LATS1: variants seen among roughly 807,000 people sequenced by gnomAD.
LATS1 encodes serine/threonine-protein kinase LATS1.
Under a neutral mutation model 106.6 loss-of-function variants are expected in LATS1, and 25 were observed. That is an observed-to-expected ratio of 0.23 (90% CI 0.17 to 0.33). LATS1 has a LOEUF of 0.33. LATS1 is among the 10% of genes least tolerant of loss of function. The pLI is 1.00. For synonymous variants in LATS1, 465 were observed against 455.6 expected (o/e 1.02, Z -0.26); for missense variants, 1,040 against 1,382.6 (o/e 0.75, Z 3.93).
At chr6:149,700,163 G>C (rs1178892495) in intron 2 of LATS1, among the ~76,000 whole-genome samples, 3 of 152,114 alleles carry the variant, frequency 2.0e-5, no homozygotes, top group African/African-American at 7.2e-5. Context: ...TAAGTAAACA[G>C]AATGTGCCAG....
chr6:149,684,617 G>T (rs1235551429), intron 3 of LATS1, 25 bp from the exon 4 acceptor site: 1 of 1,473,864 alleles, frequency 6.8e-7, no homozygotes, highest in South Asian at 1.5e-5. Flanking sequence ...GAGATAAAGA[G>T]AAAAAAGAAT....
chr6:149,661,319 G>T lies in LATS1; in HGVS notation c.*410C>A, dbSNP rs1045712858. 2.1e-5 allele frequency: 5 copies of T among 233,936 alleles called. No individual in the cohort carries two copies. Among genetic ancestry groups the T allele is most frequent in the Admixed American group, 5.6e-5 (1 of 17,808 alleles). 14.5% of individuals were successfully genotyped at this position (233,936 alleles called of 1,614,324 possible). ...GAAAAAAGAGCTCTGTAAAATAGGG[G>T]GTATGTTTCATATTTGGTTAAAGCA... On this transcript the variant is annotated 3_prime_UTR_variant, in exon 8 of 8. Transcript: ENST00000543571.
At chr6:149,709,764 C>T (rs1232672767) in intron 1 of LATS1, among the ~76,000 whole-genome samples, 1 of 150,740 alleles carries the variant, frequency 6.6e-6, no homozygotes, top group Non-Finnish European at 1.5e-5. Context: ...CAATCTCCGC[C>T]TCCCGGTTTC....
chr6:149,669,926 C>A (rs993195950), intron 7 of LATS1, among the ~76,000 whole-genome samples: 1 of 151,596 alleles, frequency 6.6e-6, no homozygotes, highest in Non-Finnish European at 1.5e-5. Context: ...AATCCCAACA[C>A]TTTGGGAGGC....
intron 1 of LATS1, among the ~76,000 whole-genome samples, chr6:149,715,250 G>C (rs754617492): frequency 6.6e-6 from 1 of 151,958 alleles, no homozygotes; most frequent in Non-Finnish European, 1.5e-5. Context: ...TGTATTTTTA[G>C]TAGAGATGGG....
chr6:149,698,581 C>CA (rs1221475745), intron 2 of LATS1, among the ~76,000 whole-genome samples: 2 of 146,604 alleles, frequency 1.4e-5, no homozygotes. Flanking sequence ...GGCAGAGTCT[C>CA]ACTCTGTCGC....
chr6:149,697,227 GA>G, intron 2 of LATS1: 1 of 929,622 alleles, frequency 1.1e-6, no homozygotes, highest in Non-Finnish European at 1.6e-6. Flanking sequence ...ACCAACCAAA[GA>G]AAGGATGTGG....
chr6:149,682,273 G>A (rs931547206), intron 4 of LATS1, among the ~76,000 whole-genome samples: 2 of 152,054 alleles, frequency 1.3e-5, no homozygotes, highest in Non-Finnish European at 2.9e-5. Flanking sequence ...AAAATGAAAT[G>A]AGAAGGGAGA....
At chr6:149,691,888 A>C (rs959067966) in intron 3 of LATS1, among the ~76,000 whole-genome samples, 1 of 152,158 alleles carries the variant, frequency 6.6e-6, no homozygotes, top group African/African-American at 2.4e-5. Flanking sequence ...CTATTTTTCT[A>C]AGCCAAAAAC....
chr6:149,675,286 G>A (rs1781659367), intron 7 of LATS1, among the ~76,000 whole-genome samples: 1 of 151,532 alleles, frequency 6.6e-6, no homozygotes, highest in Admixed American at 6.6e-5. Flanking sequence ...GGTTATAGAA[G>A]AGAGAGATGG....
intron 1 of LATS1, chr6:149,716,119 T>C (rs982179865): frequency 3.3e-5 from 5 of 152,096 alleles, no homozygotes; most frequent in African/African-American, 7.2e-5. Flanking sequence ...ATTGATTAGT[T>C]TGTCCAACTT....
intron 7 of LATS1, among the ~76,000 whole-genome samples, chr6:149,663,178 C>T: frequency 6.6e-6 from 1 of 152,080 alleles, no homozygotes; most frequent in East Asian, 1.9e-4. Context: ...TGTCATTTAA[C>T]CAAGTTTAGA....
intron 5 of LATS1, 29 bp from the exon 6 acceptor site, chr6:149,676,766 G>A: frequency 1.3e-6 from 2 of 1,583,276 alleles, no homozygotes; most frequent in Non-Finnish European, 1.7e-6. Context: ...AGTAAATAAA[G>A]TCAACAATGA....
At position 149,659,185 on chromosome 6, in the gene LATS1, G is replaced by A. The variant is rs1427652114; in HGVS notation, c.*2544C>T. On this transcript the variant is annotated 3_prime_UTR_variant, in exon 8 of 8. Transcript: ENST00000543571. ...GGAAATTTTAAAAGAATACATATTT[G>A]CGCCAGGCGCGGTGGGTCACGTCTG... 5.7e-6 allele frequency: 1 copy of A among 175,386 alleles called. No homozygotes were observed. Among genetic ancestry groups the A allele is most frequent in the Non-Finnish European group, 1.2e-5 (1 of 81,362 alleles). 10.9% of individuals were successfully genotyped at this position (175,386 alleles called of 1,614,324 possible).
chr6:149,717,339 C>G (rs1161452551), intron 1 of LATS1, among the ~76,000 whole-genome samples: 2 of 152,168 alleles, frequency 1.3e-5, no homozygotes, highest in African/African-American at 4.8e-5. Flanking sequence ...CCATAAAGAC[C>G]TCTCCATCTC....
intron 3 of LATS1, among the ~76,000 whole-genome samples, chr6:149,694,075 G>A (rs1782929035): frequency 6.6e-6 from 1 of 152,130 alleles, no homozygotes; most frequent in Non-Finnish European, 1.5e-5. Flanking sequence ...GGGCAACAGA[G>A]TGAAACTCCA....
At chr6:149,709,483 T>G in intron 1 of LATS1, among the ~76,000 whole-genome samples, 1 of 152,174 alleles carries the variant, frequency 6.6e-6, no homozygotes, top group Admixed American at 6.5e-5. Flanking sequence ...GCCTTTTGCC[T>G]GATCCAGGAG....
chr6:149,709,954 G>C (rs984869751), intron 1 of LATS1, among the ~76,000 whole-genome samples: 6 of 151,724 alleles, frequency 4.0e-5, no homozygotes, highest in African/African-American at 1.5e-4. Context: ...GATTACAGGC[G>C]TGAGCCACTG....
chr6:149,661,954 A>C lies in LATS1; in HGVS notation c.3168T>G (p.Asn1056Lys), dbSNP rs775353187. Reference sequence around the variant, plus strand: ...ACCATCCATTGAGAGTGTCATTTACATTTTCTTCCTCGTTATCATCACTCC... The same window carrying C: ...ACCATCCATTGAGAGTGTCATTTACCTTTTCTTCCTCGTTATCATCACTCC... ...KLWSDDNEEE[N>K]VNDTLNGWYK... The change falls in exon 8 of 8, where the codon AAT becomes AAG. Residue 1056 changes from asparagine to lysine, a missense_variant. Physicochemically the swap from Asn to Lys is moderately conservative, Grantham distance 94. This residue lies in a region of LATS1 where 113 missense variants were observed against 146.3 expected (regional missense o/e 0.77). Coordinates refer to ENST00000543571, the MANE Select transcript of LATS1 (RefSeq NM_004690.4). 5 of 1,613,918 alleles carry C rather than the reference A, an allele frequency of 3.1e-6. No homozygotes were observed. The highest frequency in any genetic ancestry group is 3.4e-6 in the Non-Finnish European group (4 of 1,179,990).
Sources: allele counts gnomAD v4.1 joint callset (sites outside exome capture counted in the v4.1 genomes callset), GRCh38; gene constraint gnomAD v4.1.1; regional missense constraint gnomAD v4.1.1; transcripts MANE v1.5; gene names NCBI Gene and HGNC (gene_info 2026-07-23, HGNC 2026-07-21).